GSTA2: variants seen among roughly 807,000 people sequenced by gnomAD.
The protein encoded by GSTA2 is glutathione S-transferase alpha 2, also known as glutathione S-transferase A2.
Under a neutral mutation model 22.4 loss-of-function variants are expected in GSTA2, and 27 were observed. The observed-to-expected ratio is 1.21, with a 90% CI of 0.89 to 1.67. GSTA2 has a LOEUF of 1.67. Among genes scored for constraint, GSTA2 ranks in the 40% most tolerant of loss-of-function variants. GSTA2 has a pLI of 0.00. For synonymous variants in GSTA2, 121 were observed against 86.8 expected, an observed-to-expected ratio of 1.39 and a Z score of -2.19; for missense variants, 302 against 260.2, an observed-to-expected ratio of 1.16 and a Z score of -1.11.
At chr6:52,761,492 G>A (rs1162512395) in intron 1 of GSTA2, among the ~76,000 whole-genome samples, 2 of 145,638 alleles carry the variant, frequency 1.4e-5, no homozygotes, top group African/African-American at 2.4e-5. Flanking sequence ...GTAGGAATAA[G>A]ATTTTATATG....
intron 1 of GSTA2, among the ~76,000 whole-genome samples, 191 bp from the exon 2 acceptor site, chr6:52,758,168 A>C (rs1344988264): frequency 6.6e-6 from 1 of 152,176 alleles, no homozygotes; most frequent in Non-Finnish European, 1.5e-5. Flanking sequence ...CTCAGATTCC[A>C]GCAAACCAGT....
At chr6:52,756,027 G>T (rs942389302) in intron 3 of GSTA2, among the ~76,000 whole-genome samples, 1 of 152,076 alleles carries the variant, frequency 6.6e-6, no homozygotes, top group African/African-American at 2.4e-5. Context: ...CTTTCTCAGG[G>T]GTGGGAGATT....
chr6:52,758,080 C>T, intron 1 of GSTA2, 103 bp from the exon 2 acceptor site: 4 of 688,102 alleles, frequency 5.8e-6, no homozygotes, highest in South Asian at 3.8e-5. Flanking sequence ...TGAAGAAGAA[C>T]CTGCCTTCTT....
chr6:52,756,282 C>T lies in GSTA2; in HGVS notation c.115G>A (p.Glu39Lys), dbSNP rs202149072. 1 of 1,604,468 alleles carries T rather than the reference C, an allele frequency of 6.2e-7. No individual in the cohort carries two copies. The highest frequency in any genetic ancestry group is 1.7e-5 in the Admixed American group (1 of 59,902). Reference protein sequence around the residue: ...EFEEKFIKSAEDLDKLRNDGY... With the variant: ...EFEEKFIKSAKDLDKLRNDGY... ...CCATTTCTTAACTTGTCCAAATCTTCTGCAGATTTTATAAATTTCTCTTCA... is the reference window on the plus strand; with the variant it reads ...CCATTTCTTAACTTGTCCAAATCTTTTGCAGATTTTATAAATTTCTCTTCA... The change falls in exon 3 of 7, where the codon GAA becomes AAA. Residue 39 changes from glutamate (E) to lysine (K), a missense_variant. By Grantham distance (56) the Glu-to-Lys change is moderately conservative. Coordinates refer to ENST00000493422, the MANE Select transcript of GSTA2 (RefSeq NM_000846.5).
chr6:52,763,435 A>G lies in GSTA2; in HGVS notation c.-31+9T>C, dbSNP rs1762986723. 2 of 182,188 alleles carry G rather than the reference A, an allele frequency of 1.1e-5. No homozygotes were observed. Among genetic ancestry groups the G allele is most frequent in the Non-Finnish European group, 2.3e-5 (2 of 85,622 alleles). The allele number at this position is 182,188 out of a possible 1,614,324, so 11.3% of individuals were successfully genotyped here. ...GCAATGTAGAGAGATTTATAAGATC[A>G]GTACTTACTTTGTTAAATGCTGTCA... is the stretch of plus-strand genomic sequence containing the variant. On this transcript the variant is annotated intron_variant, in intron 1 of 6. Transcript: ENST00000493422.
At chr6:52,752,726 C>G (rs1561893836) in intron 5 of GSTA2, 128 bp downstream of exon 5, 5 of 1,127,394 alleles carry the variant, frequency 4.4e-6, no homozygotes, top group Non-Finnish European at 6.6e-6. Context: ...CCTTGAGAGT[C>G]AGAGTGCTGC....
chr6:52,761,244 A>T lies in GSTA2; in HGVS notation c.-31+2200T>A, dbSNP rs188599631. ...GCTTGGAAGATGGGTGAGGCTCTGG[A>T]CACATTGAGTAGCCCATGGATCTTC... On this transcript the variant is annotated intron_variant, in intron 1 of 6. Transcript: ENST00000493422. 2.4e-4 allele frequency among the ~76,000 whole-genome samples: 36 copies of T among 152,310 alleles called. No homozygotes were observed. The Middle Eastern group carries it at 0.01, about 43-fold the overall frequency.
In GSTA2 at chr6:52,759,563, G is replaced by GT. The variant is rs70977382; in HGVS notation, c.-30-1587dup. Among the ~76,000 whole-genome samples, 24 of 34,192 alleles carry GT rather than the reference G, an allele frequency of 7.0e-4. 4 individuals carry two copies. Among genetic ancestry groups the GT allele is most frequent in the Admixed American group, 1.4e-3 (3 of 2,094 alleles). 22.4% of individuals were successfully genotyped at this position (34,192 alleles called of 152,430 possible). A position where few individuals can be genotyped will look rare whatever the true frequency, so the allele number is the denominator to read the frequency against. On this transcript the variant is annotated intron_variant, in intron 1 of 6. Transcript: ENST00000493422. ...CCTTTAACAACTAATGTATTTATTT[G>GT]TTTTTTTTTTTTTTTTTTTTTTTTT...
At position 52,750,374 on chromosome 6, in the gene GSTA2, A is replaced by C. The variant is rs1207489148; in HGVS notation, c.*203T>G. 3 of 424,854 alleles carry C rather than the reference A, an allele frequency of 7.1e-6. No individual in the cohort carries two copies. The highest frequency in any genetic ancestry group is 1.2e-5 in the Non-Finnish European group (3 of 245,116). The allele number at this position is 424,854 out of a possible 1,614,324, so 26.3% of individuals were successfully genotyped here. A position where few individuals can be genotyped will look rare whatever the true frequency, so the allele number is the denominator to read the frequency against. On this transcript the variant is annotated 3_prime_UTR_variant, in exon 7 of 7. Coordinates refer to ENST00000493422, the MANE Select transcript of GSTA2 (RefSeq NM_000846.5). ...TTGTTGGCTAGGAGGAGATTGGAAA[A>C]CTGAATTCACATCAGATCCTAATGA... is the stretch of plus-strand genomic sequence containing the variant.
intron 3 of GSTA2, 107 bp downstream of exon 3, chr6:52,756,151 T>C (rs1314414335): frequency 5.6e-6 from 4 of 718,726 alleles, no homozygotes; most frequent in Non-Finnish European, 2.5e-6. Context: ...CTCTGCACCA[T>C]GTACAAATAC....
Position 52,757,877 on chromosome 6 carries a change from G to A in GSTA2, c.71C>T (p.Ala24Val). 6.2e-7 allele frequency: 1 copy of A among 1,613,508 alleles called. No individual in the cohort carries two copies. The highest frequency in any genetic ancestry group is 1.1e-5 in the South Asian group (1 of 91,070). Reference sequence around the variant, plus strand: ...AGAACCTACCTCTACTCCAGCTGCAGCCAGGAGCCACCGGATGGACTCCAT... The same window carrying A: ...AGAACCTACCTCTACTCCAGCTGCAACCAGGAGCCACCGGATGGACTCCAT... ...GRMESIRWLL[A>V]AAGVEFEEKF... The change falls in exon 2 of 7, where the codon GCT (alanine) becomes GTT (valine). Residue 24 changes from alanine to valine, a missense_variant. Transcript: ENST00000493422.
At position 52,757,863 on chromosome 6, in the gene GSTA2, C is replaced by A. The variant is rs189908098; in HGVS notation, c.85G>T (p.Glu29Ter). The A allele has an allele frequency of 3.7e-6, 6 of 1,612,686 alleles. No individual in the cohort carries two copies. The East Asian group carries it at 1.3e-4, about 36-fold the overall frequency. Reference protein sequence around the residue: ...IRWLLAAAGVEFEEKFIKSAE... With the variant: ...IRWLLAAAGV The stretch of plus-strand genomic sequence containing the variant: ...AGATGACCTAACTCAGAACCTACCT[C>A]TACTCCAGCTGCAGCCAGGAGCCAC... The change falls in exon 2 of 7, where the codon GAG becomes TAG. Residue 29 changes from glutamate (E) to a stop codon, truncating the protein, a stop_gained and splice_region_variant. Transcript: ENST00000493422. LOFTEE classifies it high-confidence loss of function.
rs370534935 is a variant in GSTA2 at position 52,750,545 on chromosome 6, C to G, written c.*32G>C. 57 of 1,609,164 alleles carry G rather than the reference C, an allele frequency of 3.5e-5. No homozygotes were observed. Among genetic ancestry groups the G allele is most frequent in the Non-Finnish European group, 4.8e-5 (56 of 1,176,802 alleles). On this transcript the variant is annotated 3_prime_UTR_variant, in exon 7 of 7. Transcript: ENST00000493422. ...TGTTGCAAAACTTTAGAATACTGGT[C>G]TTGCATGTTCTTGACCTCTATGGCT...
At chr6:52,755,952 A>G (rs571952061) in intron 3 of GSTA2, among the ~76,000 whole-genome samples, 2 of 152,192 alleles carry the variant, frequency 1.3e-5, no homozygotes, top group South Asian at 4.1e-4. Context: ...AGAGGGCTGT[A>G]TGGGATCCTG....
intron 3 of GSTA2, among the ~76,000 whole-genome samples, chr6:52,755,533 T>A (rs928047862): frequency 2.0e-5 from 3 of 152,196 alleles, no homozygotes; most frequent in African/African-American, 7.2e-5. Flanking sequence ...TTATAAAGCT[T>A]CCTGTAGTTC....
chr6:52,753,533 C>A (rs537681406), intron 4 of GSTA2, among the ~76,000 whole-genome samples: 27 of 152,312 alleles, frequency 1.8e-4, no homozygotes, highest in African/African-American at 6.5e-4. Context: ...TCCAATTACA[C>A]CCATGAAAAA....
intron 1 of GSTA2, among the ~76,000 whole-genome samples, chr6:52,760,942 G>T (rs1169038512): frequency 6.6e-6 from 1 of 152,098 alleles, no homozygotes; most frequent in African/African-American, 2.4e-5. Flanking sequence ...AGGACTATAA[G>T]GTCTCATATT....
At chr6:52,756,061 A>C (rs1238725768) in intron 3 of GSTA2, among the ~76,000 whole-genome samples, 197 bp downstream of exon 3, 1 of 152,138 alleles carries the variant, frequency 6.6e-6, no homozygotes, top group Non-Finnish European at 1.5e-5. Context: ...ATACTCTGAG[A>C]GGTCTGGTCC....
Position 52,751,700 on chromosome 6 carries a change from C to G in GSTA2, c.423G>C (p.Lys141Asn). The change falls in exon 6 of 7, where the codon AAG becomes AAC. Residue 141 changes from lysine to asparagine, a missense_variant. Lys to Asn is a moderately conservative substitution (Grantham distance 94). Transcript: ENST00000493422. ...RYFPAFEKVL[K>N]SHGQDYLVGN... ...CAACAAGGTAGTCTTGTCCGTGGCT[C>G]TTTAAGACCTGGAGAATGGGAGGAA... is the stretch of plus-strand genomic sequence containing the variant. 1 of 1,614,142 alleles carries G rather than the reference C, an allele frequency of 6.2e-7. No individual in the cohort carries two copies. The highest frequency in any genetic ancestry group is 1.1e-5 in the South Asian group (1 of 91,086).
Sources: gnomAD v4.1 joint callset for allele counts (sites outside exome capture counted in the v4.1 genomes callset) on GRCh38, gnomAD v4.1.1 for gene constraint, MANE v1.5 for transcripts, NCBI Gene and HGNC (gene_info 2026-07-23, HGNC 2026-07-21) for gene names.